Variants in PTPRM observed in about 807,000 individuals in gnomAD.
The protein encoded by PTPRM is receptor-type tyrosine-protein phosphatase mu.
Under a neutral mutation model 186.7 loss-of-function variants are expected in PTPRM, and 47 were observed. The ratio of observed to expected loss-of-function variants is 0.25; its 90% CI spans 0.20 to 0.32. PTPRM has a LOEUF of 0.32. Ranked by LOEUF, PTPRM falls within the 10% of genes least tolerant of loss-of-function variation. The pLI is 1.00. For synonymous variants in PTPRM, 668 were observed against 674.9 expected (o/e 0.99, Z 0.16); for missense variants, 1,494 against 1,865.0 (o/e 0.80, Z 3.66).
At chr18:8,046,094 T>C (rs1368628351) in intron 7 of PTPRM, among the ~76,000 whole-genome samples, 1 of 152,122 alleles carries the variant, frequency 6.6e-6, no homozygotes, top group Non-Finnish European at 1.5e-5. Context: ...GATCTGATGG[T>C]TTTATAAGTG....
At chr18:7,649,015 G>A (rs2038632910) in intron 1 of PTPRM, among the ~76,000 whole-genome samples, 1 of 152,164 alleles carries the variant, frequency 6.6e-6, no homozygotes, top group Non-Finnish European at 1.5e-5. Flanking sequence ...TCTTGTTAGG[G>A]ACTAATGCAG....
At chr18:8,248,237 CT>C (rs1215838454) in intron 17 of PTPRM, 61 bp downstream of exon 17, 10 of 1,397,932 alleles carry the variant, frequency 7.2e-6, no homozygotes, top group Non-Finnish European at 1.0e-5. Flanking sequence ...TCAGTGACCA[CT>C]CTGTAGGAGA....
intron 2 of PTPRM, among the ~76,000 whole-genome samples, chr18:7,799,796 A>C (rs1049601408): frequency 2.0e-5 from 3 of 152,120 alleles, no homozygotes; most frequent in Non-Finnish European, 4.4e-5. Flanking sequence ...TTCAGTTACA[A>C]ATTCTTTAAG....
intron 14 of PTPRM, among the ~76,000 whole-genome samples, chr18:8,206,518 G>T (rs1179861774): frequency 1.3e-5 from 2 of 152,110 alleles, no homozygotes; most frequent in Non-Finnish European, 2.9e-5. Context: ...AAAGTGCTGG[G>T]ATTACAGTCG....
chr18:7,823,203 C>T (rs1338518724), intron 2 of PTPRM, among the ~76,000 whole-genome samples: 1 of 152,172 alleles, frequency 6.6e-6, no homozygotes, highest in African/African-American at 2.4e-5. Context: ...TCTCTTCCCT[C>T]CACTCCCTGC....
intron 13 of PTPRM, among the ~76,000 whole-genome samples, chr18:8,132,073 G>C (rs1374971015): frequency 6.6e-6 from 1 of 152,164 alleles, no homozygotes; most frequent in African/African-American, 2.4e-5. Flanking sequence ...TTATAACATA[G>C]TTTATTCAAG....
intron 7 of PTPRM, among the ~76,000 whole-genome samples, chr18:8,025,200 C>T (rs770196745): frequency 2.0e-4 from 31 of 152,112 alleles, no homozygotes; most frequent in Non-Finnish European, 3.5e-4. Context: ...CAGCAAGTTG[C>T]TTAATAGAGC....
At chr18:8,389,897 C>G (rs137948915) in intron 31 of PTPRM, among the ~76,000 whole-genome samples, 1 of 152,224 alleles carries the variant, frequency 6.6e-6, no homozygotes, top group African/African-American at 2.4e-5. Flanking sequence ...GTGAATGGTT[C>G]CTTGAGCCAC....
At chr18:8,152,510 C>T (rs2093031843) in intron 14 of PTPRM, among the ~76,000 whole-genome samples, 1 of 152,116 alleles carries the variant, frequency 6.6e-6, no homozygotes, top group Non-Finnish European at 1.5e-5. Flanking sequence ...ACTGTTTTTC[C>T]CCACTTGTCA....
intron 1 of PTPRM, among the ~76,000 whole-genome samples, chr18:7,685,315 A>G (rs2039576255): frequency 6.6e-6 from 1 of 152,134 alleles, no homozygotes; most frequent in African/African-American, 2.4e-5. Flanking sequence ...ATTTTATTTC[A>G]TATTAAGGGA....
At chr18:7,581,983 C>T (rs1187479584) in intron 1 of PTPRM, among the ~76,000 whole-genome samples, 1 of 152,074 alleles carries the variant, frequency 6.6e-6, no homozygotes, top group African/African-American at 2.4e-5. Context: ...TTTAAAGCAT[C>T]AAAATCTTTT....
rs369179181 is a variant in PTPRM at position 7,711,798 on chromosome 18, G to T, written c.74-62351G>T. Among the ~76,000 whole-genome samples the T allele has an allele frequency of 4.0e-3, 605 of 152,264 alleles. 9 individuals are homozygous for T. Among genetic ancestry groups the T allele is most frequent in the African/African-American group, 0.014 (585 of 41,564 alleles). ...GCCTCCCTAAATTCCTCCTCTCTGG[G>T]CAGGGCATCTCTGAAAAAAAGGCAG... On this transcript the variant is annotated intron_variant, in intron 1 of 32. Transcript: ENST00000580170.
chr18:8,270,011 A>G (rs2094750522), intron 19 of PTPRM: 1 of 152,012 alleles, frequency 6.6e-6, no homozygotes, highest in Admixed American at 6.6e-5. Flanking sequence ...CTTAGGACCC[A>G]CTACAAAGCA....
intron 1 of PTPRM, among the ~76,000 whole-genome samples, chr18:7,743,601 CTTTA>C (rs1275957134): frequency 2.0e-5 from 3 of 152,118 alleles, no homozygotes; most frequent in Admixed American, 2.0e-4. Flanking sequence ...GGAACTCCTG[CTTTA>C]TTTAAGAAGT....
chr18:8,148,110 T>A (rs890766281), intron 14 of PTPRM, among the ~76,000 whole-genome samples: 8 of 152,188 alleles, frequency 5.3e-5, no homozygotes, highest in African/African-American at 1.9e-4. Context: ...ATTTTCTTTT[T>A]TTGTTGTTGT....
At chr18:7,885,821 G>A (rs542204423) in intron 2 of PTPRM, among the ~76,000 whole-genome samples, 2 of 152,152 alleles carry the variant, frequency 1.3e-5, no homozygotes, top group South Asian at 4.1e-4. Context: ...ATTTAGCATT[G>A]GAGGCAGGCT....
Position 7,834,944 on chromosome 18 carries a change from A to G in PTPRM, c.197-53162A>G, listed in dbSNP as rs933082010. Among the ~76,000 whole-genome samples, 15 of 142,342 alleles carry G rather than the reference A, an allele frequency of 1.1e-4. 1 individual carries two copies. In the Middle Eastern group the frequency reaches 0.016, roughly 149 times the overall value. 93.4% of individuals were successfully genotyped at this position (142,342 alleles called of 152,430 possible). A position where few individuals can be genotyped will look rare whatever the true frequency, so the allele number is the denominator to read the frequency against. ...TAATGGTTTTTTGAATTTCTGTAGT[A>G]TCAGTTGTAATGTCTCCTTTTTCAT... On this transcript the variant is annotated intron_variant, in intron 2 of 32. Transcript: ENST00000580170.
chr18:8,118,808 AAAAAT>A (rs1359840810), intron 13 of PTPRM, among the ~76,000 whole-genome samples: 2 of 138,976 alleles, frequency 1.4e-5, no homozygotes, highest in African/African-American at 5.4e-5. Context: ...TCAAAAAAAA[AAAAAT>A]ATATATATAT....
At chr18:8,024,083 A>G (rs1568203791) in intron 7 of PTPRM, among the ~76,000 whole-genome samples, 1 of 152,280 alleles carries the variant, frequency 6.6e-6, no homozygotes, top group East Asian at 1.9e-4. Context: ...GGAAGGTGCT[A>G]TACTTTCTCT....
Sources: allele counts gnomAD v4.1 joint callset (sites outside exome capture counted in the v4.1 genomes callset), GRCh38; gene constraint gnomAD v4.1.1; transcripts MANE v1.5; gene names NCBI Gene and HGNC (gene_info 2026-07-23, HGNC 2026-07-21).